DPH6: variants seen among roughly 807,000 people sequenced by gnomAD.
DPH6 encodes the protein diphthamine biosynthesis 6, also known as diphthine--ammonia ligase.
A neutral mutation model predicts 38.2 loss-of-function variants in DPH6; 33 were observed. The observed-to-expected ratio is 0.86, with a 90% CI of 0.65 to 1.15. The LOEUF (loss-of-function observed/expected upper bound fraction) is 1.15, where lower values mean the gene tolerates loss of function less well. DPH6 is among the 50% of genes most tolerant of loss of function. DPH6 has a pLI of 0.00. For missense variants in DPH6, 325 were observed against 320.0 expected (o/e 1.02, Z -0.12); for synonymous variants, 108 against 103.0 (o/e 1.05, Z -0.30).
chr15:35,431,019 T>C (rs575258274), intron 5 of DPH6, among the ~76,000 whole-genome samples: 3 of 152,272 alleles, frequency 2.0e-5, no homozygotes, highest in Admixed American at 2.0e-4. Flanking sequence ...AGACTTTATT[T>C]TTCTTGCCTA....
chr15:35,245,158 A>G lies in DPH6; in HGVS notation n.201-24576T>C, dbSNP rs867554374. Reference sequence around the variant, plus strand: ...TATCAATCATTCATGATTCTATGAAATCAGAAACAATTCTCTAATACGTAT... The same window carrying G: ...TATCAATCATTCATGATTCTATGAAGTCAGAAACAATTCTCTAATACGTAT... On this transcript the variant is annotated intron_variant and non_coding_transcript_variant, in intron 3 of 3. Coordinates refer to the DPH6 transcript ENST00000560386. 3.9e-5 allele frequency among the ~76,000 whole-genome samples: 6 copies of G among 152,134 alleles called. No homozygotes were observed. The South Asian group carries it at 1.0e-3, about 26-fold the overall frequency.
At chr15:35,474,154 A>G (rs938617598) in intron 3 of DPH6, among the ~76,000 whole-genome samples, 4 of 152,148 alleles carry the variant, frequency 2.6e-5, no homozygotes, top group African/African-American at 9.7e-5. Flanking sequence ...AACATCAACA[A>G]TGGCAAAATC....
At chr15:35,245,059 ATATTGT>A (rs1453925646) in intron 3 of DPH6, among the ~76,000 whole-genome samples, 1 of 152,114 alleles carries the variant, frequency 6.6e-6, no homozygotes, top group Non-Finnish European at 1.5e-5. Flanking sequence ...TTCATGCTAC[ATATTGT>A]TAGTGTGATT....
At chr15:35,155,545 A>ACC in the DPH6 span, among the ~76,000 whole-genome samples, 1 of 152,168 alleles carries the variant, frequency 6.6e-6, no homozygotes, top group East Asian at 1.9e-4. Flanking sequence ...TGGTCCATGA[A>ACC]CCCCAGGGTG....
chr15:35,300,662 T>C (rs991330242), intron 3 of DPH6, among the ~76,000 whole-genome samples: 3 of 152,214 alleles, frequency 2.0e-5, no homozygotes, highest in Non-Finnish European at 4.4e-5. Context: ...AACTATTACG[T>C]TGGGTATTAT....
At chr15:35,349,676 C>T (rs1349343762) in intron 3 of DPH6, among the ~76,000 whole-genome samples, 1 of 152,202 alleles carries the variant, frequency 6.6e-6, no homozygotes, top group Non-Finnish European at 1.5e-5. Flanking sequence ...CTCAAGTGAT[C>T]TGCCCACCTC....
At chr15:35,450,597 GT>G in intron 5 of DPH6, 87 bp downstream of exon 5, 1 of 1,053,060 alleles carries the variant, frequency 9.5e-7, no homozygotes, top group Non-Finnish European at 1.4e-6. Flanking sequence ...TTCTAAATCA[GT>G]TTTCTTTGTT....
downstream of DPH6, among the ~76,000 whole-genome samples, chr15:35,215,575 G>A (rs895054): frequency 0.16 from 23,693 of 152,022 alleles, 2,185 homozygotes; most frequent in South Asian, 0.29. Flanking sequence ...TTTTTGTAGA[G>A]ATGGAGTCTT....
At chr15:35,274,847 A>T (rs2051846870) in intron 3 of DPH6, among the ~76,000 whole-genome samples, 1 of 152,190 alleles carries the variant, frequency 6.6e-6, no homozygotes, top group Non-Finnish European at 1.5e-5. Flanking sequence ...TTCCTCAAGG[A>T]TCTAGAACCA....
At chr15:35,410,929 C>T in intron 5 of DPH6, 33 bp from the exon 6 acceptor site, 1 of 1,586,310 alleles carries the variant, frequency 6.3e-7, no homozygotes, top group Non-Finnish European at 8.6e-7. Flanking sequence ...TTAAAGATAA[C>T]TATCAGATAG....
chr15:35,324,707 T>C (rs1224487186), intron 3 of DPH6, among the ~76,000 whole-genome samples: 4 of 151,784 alleles, frequency 2.6e-5, no homozygotes, highest in African/African-American at 7.3e-5. Context: ...ATTACCAAAA[T>C]TGAAGGAAAA....
At chr15:35,302,034 CA>C (rs1275885457) in intron 3 of DPH6, among the ~76,000 whole-genome samples, 2 of 151,820 alleles carry the variant, frequency 1.3e-5, no homozygotes, top group Non-Finnish European at 2.9e-5. Flanking sequence ...TTATTGTAGT[CA>C]ATACATAAAA....
At position 35,542,408 on chromosome 15, in the gene DPH6, C is replaced by A; in HGVS notation, c.118+5G>T. On this transcript the variant is annotated splice_donor_5th_base_variant and intron_variant, in intron 2 of 8. Coordinates refer to ENST00000256538, the MANE Select transcript of DPH6 (RefSeq NM_080650.4). ...GGCAACTTCCCAATAAAGGCATGTACTTACCTTGGTTTTCAGCTGGTCTTA... is the reference window on the plus strand; with the variant it reads ...GGCAACTTCCCAATAAAGGCATGTAATTACCTTGGTTTTCAGCTGGTCTTA... The A allele has an allele frequency of 6.4e-7, 1 of 1,562,150 alleles. No individual in the cohort carries two copies. Among genetic ancestry groups the A allele is most frequent in the Non-Finnish European group, 8.8e-7 (1 of 1,140,402 alleles).
chr15:35,464,327 A>T (rs1237851826), intron 3 of DPH6, among the ~76,000 whole-genome samples: 1 of 152,094 alleles, frequency 6.6e-6, no homozygotes, highest in Non-Finnish European at 1.5e-5. Flanking sequence ...TATGTGACAT[A>T]AGTCTATATA....
intron 3 of DPH6, among the ~76,000 whole-genome samples, chr15:35,334,981 G>A (rs189728269): frequency 3.5e-4 from 54 of 152,232 alleles, no homozygotes; most frequent in Admixed American, 6.5e-4. Flanking sequence ...TTGCCACACC[G>A]TATTCAACAA....
At chr15:35,534,878 T>C (rs1388870892) in intron 3 of DPH6, among the ~76,000 whole-genome samples, 1 of 152,198 alleles carries the variant, frequency 6.6e-6, no homozygotes, top group Non-Finnish European at 1.5e-5. Context: ...CAGTTTTAGG[T>C]CTCACATCCA....
chr15:35,218,833 A>AT (rs375314970), exon 4 of DPH6: 198 of 152,262 alleles, frequency 1.3e-3, no homozygotes, highest in African/African-American at 4.5e-3. Flanking sequence ...ACTGAACCTG[A>AT]TATGATCACA....
rs370097401 is a variant in DPH6, at chr15:35,520,915, T to C, written c.312+17359A>G. 8.1e-6 allele frequency: 8 copies of C among 985,204 alleles called. No individual in the cohort carries two copies. In the African/African-American group the frequency reaches 1.0e-4, roughly 13 times the overall value. 61.0% of individuals were successfully genotyped at this position (985,204 alleles called of 1,614,324 possible). ...CAGTATACAACTCATTTTGTCACTC[T>C]CAAAATTCCAGAGAGATTAGCACCT... On this transcript the variant is annotated intron_variant, in intron 3 of 8. Coordinates refer to ENST00000256538, the MANE Select transcript of DPH6 (RefSeq NM_080650.4).
chr15:35,473,957 T>TGC lies in DPH6; in HGVS notation c.313-19139_313-19138dup, dbSNP rs1191722971. ...GTGTGTGTGTGTGTGTGTGTGTGTG[T>TGC]GCGCGCGCGCGCGTGAGCTTTTGTA... is the stretch of plus-strand genomic sequence containing the variant. On this transcript the variant is annotated intron_variant, in intron 3 of 8. Transcript: ENST00000256538. Among the ~76,000 whole-genome samples the TGC allele has an allele frequency of 9.0e-3, 346 of 38,532 alleles. 4 individuals are homozygous for TGC. The highest frequency in any genetic ancestry group is 0.051 in the East Asian group (46 of 904). 25.3% of individuals were successfully genotyped at this position (38,532 alleles called of 152,430 possible). A position where few individuals can be genotyped will look rare whatever the true frequency, so the allele number is the denominator to read the frequency against.
Sources: gnomAD v4.1 joint callset for allele counts (sites outside exome capture counted in the v4.1 genomes callset) on GRCh38, gnomAD v4.1.1 for gene constraint, MANE v1.5 for transcripts, NCBI Gene and HGNC (gene_info 2026-07-23, HGNC 2026-07-21) for gene names.